OTUD7B: variants seen among roughly 807,000 people sequenced by gnomAD.
OTUD7B encodes OTU domain-containing protein 7B.
OTUD7B carries 34 observed loss-of-function variants against 82.2 expected under a neutral mutation model. That is an observed-to-expected ratio of 0.41 (90% CI 0.31 to 0.55). OTUD7B has a LOEUF of 0.55. Among genes scored for constraint, OTUD7B ranks in the 20% least tolerant of loss-of-function variants. The probability of loss-of-function intolerance (pLI) is 0.20; values close to 1 mark genes in which losing one functional copy is unlikely to be tolerated. For synonymous variants in OTUD7B, 398 were observed against 402.7 expected, an observed-to-expected ratio of 0.99 and a Z score of 0.14; for missense variants, 944 against 1,062.1, an observed-to-expected ratio of 0.89 and a Z score of 1.55.
intron 7 of OTUD7B, among the ~76,000 whole-genome samples, chr1:149,951,347 G>A (rs893338538): frequency 2.0e-4 from 31 of 151,868 alleles, no homozygotes; most frequent in Non-Finnish European, 3.2e-4. Flanking sequence ...CTCGTGATCC[G>A]CCCGTCTCAG....
At chr1:150,039,453 C>T in the OTUD7B span, among the ~76,000 whole-genome samples, 1 of 152,104 alleles carries the variant, frequency 6.6e-6, no homozygotes, top group Non-Finnish European at 1.5e-5. Flanking sequence ...TCTAGGCTCA[C>T]TGCAAGCTCC....
In OTUD7B at chr1:149,944,001, G is replaced by A; in HGVS notation, c.2388C>T (p.Pro796=). Residue 796 remains proline (P), a synonymous_variant, in exon 12 of 12, where the codon CCC becomes CCT. Coordinates refer to ENST00000581312, the MANE Select transcript of OTUD7B (RefSeq NM_020205.4). The part of the protein sequence containing the change: ...DGWAGGLRGL[P]PTQTKCKQPN... ...GTTGTTTGCATTTGGTCTGAGTTGGGGGAAGGCCCCGGAGACCTCCAGCCC... is the reference window on the plus strand; with the variant it reads ...GTTGTTTGCATTTGGTCTGAGTTGGAGGAAGGCCCCGGAGACCTCCAGCCC... The A allele has an allele frequency of 6.2e-7, 1 of 1,614,218 alleles. No homozygotes were observed.
chr1:149,985,459 C>T (rs782478489), intron 1 of OTUD7B, among the ~76,000 whole-genome samples: 1 of 152,158 alleles, frequency 6.6e-6, no homozygotes, highest in Non-Finnish European at 1.5e-5. Context: ...CATGCTGGCT[C>T]ACGCCTGGTG....
At chr1:150,019,997 A>G in the OTUD7B span, among the ~76,000 whole-genome samples, 7,618 of 152,196 alleles carry the variant, frequency 0.05, 663 homozygotes, top group African/African-American at 0.18. Context: ...TTAGCCAGGT[A>G]TGTGCCTGCA....
chr1:149,964,446 G>A (rs1376961759), intron 5 of OTUD7B, 97 bp from the exon 6 acceptor site: 13 of 1,286,206 alleles, frequency 1.0e-5, no homozygotes, highest in Non-Finnish European at 1.3e-5. Flanking sequence ...TGGCCAGGCT[G>A]GTCTCAAACC....
the OTUD7B span, among the ~76,000 whole-genome samples, chr1:150,019,295 C>T: frequency 6.6e-6 from 1 of 152,150 alleles, no homozygotes; most frequent in Non-Finnish European, 1.5e-5. Context: ...CTCTTCACAC[C>T]CTGCCTGAAA....
the OTUD7B span, chr1:150,054,995 C>A: frequency 3.4e-6 from 1 of 293,038 alleles, no homozygotes; most frequent in Non-Finnish European, 6.8e-6. Context: ...TCTGTGTTTG[C>A]CCCGACAAAT....
chr1:149,945,076 C>T lies in OTUD7B; in HGVS notation c.1324-11G>A. 1 of 1,609,742 alleles carries T rather than the reference C, an allele frequency of 6.2e-7. No homozygotes were observed. Among genetic ancestry groups the T allele is most frequent in the East Asian group, 2.2e-5 (1 of 44,840 alleles). On this transcript the variant is annotated splice_polypyrimidine_tract_variant and intron_variant, in intron 11 of 11. Transcript: ENST00000581312. ...CTGGGCCAGAGGAGCCTGGAAGAGACAAGAACACTGTTGACAGTTATCCCA... is the reference window on the plus strand; with the variant it reads ...CTGGGCCAGAGGAGCCTGGAAGAGATAAGAACACTGTTGACAGTTATCCCA...
chr1:150,004,586 CATAA>C (rs1265111010), intron 1 of OTUD7B, among the ~76,000 whole-genome samples: 12 of 150,468 alleles, frequency 8.0e-5, no homozygotes, highest in Admixed American at 2.7e-4. Context: ...TAAATAAATA[CATAA>C]ATAAATAAAT....
At chr1:150,050,515 C>T in the OTUD7B span, 2 of 152,218 alleles carry the variant, frequency 1.3e-5, no homozygotes, top group Non-Finnish European at 2.9e-5. Context: ...CATAGTAATT[C>T]AACAAATCTT....
chr1:150,007,994 T>C (rs1418851304), intron 1 of OTUD7B, among the ~76,000 whole-genome samples: 2 of 152,222 alleles, frequency 1.3e-5, no homozygotes, highest in African/African-American at 2.4e-5. Context: ...CAGTGTCTTT[T>C]AGCATGCTTA....
the OTUD7B span, among the ~76,000 whole-genome samples, chr1:150,064,658 T>G: frequency 6.6e-6 from 1 of 152,170 alleles, no homozygotes; most frequent in Non-Finnish European, 1.5e-5. Context: ...CATGAACCAC[T>G]GTGCCTGGCC....
rs1388623432 is a variant in OTUD7B at position 149,944,159 on chromosome 1, C to G, written c.2230G>C (p.Asp744His). The G allele has an allele frequency of 1.9e-6, 3 of 1,613,988 alleles. No individual in the cohort carries two copies. Among genetic ancestry groups the G allele is most frequent in the East Asian group, 4.5e-5 (2 of 44,882 alleles). The change falls in exon 12 of 12, where the codon GAC becomes CAC. Residue 744 changes from aspartate to histidine, a missense_variant. By Grantham distance (81) the Asp-to-His change is moderately conservative. Around this residue, in one of 3 missense-constraint regions of OTUD7B, gnomAD observed 412 missense variants for 418.7 expected, o/e 0.98. Coordinates refer to ENST00000581312, the MANE Select transcript of OTUD7B (RefSeq NM_020205.4). ...CCTGGCTCCAGAGAAGGGATGCTGT[C>G]CTGGTGGGGGTAGGGTCGCCCAGGA... is the stretch of plus-strand genomic sequence containing the variant. The part of the protein sequence containing the change: ...CPPGRPYPHQ[D>H]SIPSLEPGSH...
the OTUD7B span, among the ~76,000 whole-genome samples, chr1:150,031,118 T>C: frequency 1.3e-5 from 2 of 152,294 alleles, no homozygotes; most frequent in Middle Eastern, 3.4e-3. Context: ...TGATTTTTCA[T>C]TGTATTCTTG....
chr1:150,009,942 CACACACACACACAA>C (rs1652922870), intron 1 of OTUD7B, among the ~76,000 whole-genome samples: 2 of 151,014 alleles, frequency 1.3e-5, no homozygotes, highest in Non-Finnish European at 2.9e-5. Flanking sequence ...CTCCCTCTCT[CACACACACACACAA>C]ACACACACAC....
chr1:149,954,473 A>T (rs1420756823), intron 7 of OTUD7B, among the ~76,000 whole-genome samples: 1 of 152,224 alleles, frequency 6.6e-6, no homozygotes, highest in Admixed American at 6.5e-5. Context: ...GGATTCTTGC[A>T]TCGATGTTCA....
chr1:150,046,291 C>G, the OTUD7B span, among the ~76,000 whole-genome samples: 1 of 152,108 alleles, frequency 6.6e-6, no homozygotes, highest in African/African-American at 2.4e-5. Flanking sequence ...GCTACTCTCT[C>G]AACATCTCCA....
At chr1:150,036,863 T>C in the OTUD7B span, among the ~76,000 whole-genome samples, 10 of 152,232 alleles carry the variant, frequency 6.6e-5, no homozygotes, top group South Asian at 2.1e-4. Flanking sequence ...ACACACAAAA[T>C]TGAATAATGT....
Position 149,967,529 on chromosome 1 carries a change from G to A in OTUD7B, c.275-8C>T. 3 of 1,581,756 alleles carry A rather than the reference G, an allele frequency of 1.9e-6. No homozygotes were observed. The highest frequency in any genetic ancestry group is 2.6e-6 in the Non-Finnish European group (3 of 1,163,110). On this transcript the variant is annotated splice_region_variant and splice_polypyrimidine_tract_variant and intron_variant, in intron 3 of 11. Coordinates refer to ENST00000581312, the MANE Select transcript of OTUD7B (RefSeq NM_020205.4). ...CCCTAGACAGGCGTTTTTCTGCAAT[G>A]AGAAATGGAGTCACCTTAGAACATA...
Sources: gnomAD v4.1 joint callset for allele counts (sites outside exome capture counted in the v4.1 genomes callset) on GRCh38, gnomAD v4.1.1 for gene constraint, gnomAD v4.1.1 regional missense constraint, MANE v1.5 for transcripts, NCBI Gene and HGNC (gene_info 2026-07-23, HGNC 2026-07-21) for gene names.